Variants in ARHGAP24 observed in about 807,000 individuals in gnomAD.
The protein encoded by ARHGAP24 is Rho GTPase activating protein 24.
In ARHGAP24, 50 loss-of-function variants were observed where a neutral mutation model predicts 76.4. The observed-to-expected ratio is 0.65, with a 90% confidence interval of 0.52 to 0.83. The LOEUF is 0.83. Among genes scored for constraint, ARHGAP24 ranks in the 40% least tolerant of loss-of-function variants. The pLI, the probability that ARHGAP24 is intolerant of heterozygous loss-of-function variation, is 0.00. For synonymous variants in ARHGAP24, 345 were observed against 323.3 expected (o/e 1.07, Z -0.72); for missense variants, 930 against 914.2 (o/e 1.02, Z -0.22).
At chr4:85,962,999 T>G (rs969908131) in intron 5 of ARHGAP24, among the ~76,000 whole-genome samples, 3 of 151,910 alleles carry the variant, frequency 2.0e-5, no homozygotes, top group Non-Finnish European at 4.4e-5. Context: ...ACAAAATATA[T>G]ATGTATCTGT....
At chr4:85,714,016 T>G (rs1724632741) in intron 2 of ARHGAP24, among the ~76,000 whole-genome samples, 1 of 152,166 alleles carries the variant, frequency 6.6e-6, no homozygotes, top group African/African-American at 2.4e-5. Flanking sequence ...TAGAATCAAG[T>G]CTTCCTTTCC....
At chr4:85,793,770 TGCTCA>T (rs1728227469) in intron 3 of ARHGAP24, among the ~76,000 whole-genome samples, 1 of 152,352 alleles carries the variant, frequency 6.6e-6, no homozygotes, top group Non-Finnish European at 1.5e-5. Context: ...ACTTATCCAC[TGCTCA>T]TGGCACACCA....
At chr4:85,715,635 AC>A (rs1188458219) in intron 2 of ARHGAP24, among the ~76,000 whole-genome samples, 1 of 152,060 alleles carries the variant, frequency 6.6e-6, no homozygotes, top group African/African-American at 2.4e-5. Context: ...CACAAAATTT[AC>A]TGTTATCAGG....
chr4:85,839,838 G>GTTTTCT lies in ARHGAP24; in HGVS notation c.269-83805_269-83800dup, dbSNP rs1390182301. On this transcript the variant is annotated intron_variant, in intron 3 of 9. Coordinates refer to ENST00000395184, the MANE Select transcript of ARHGAP24 (RefSeq NM_001025616.3). ...AGAAACTACCAAGTGTCTTTTTTCT[G>GTTTTCT]TTTTCTTTTTTTTTTTTTTTTTTTT... is the stretch of plus-strand genomic sequence containing the variant. Among the ~76,000 whole-genome samples, 22 of 78,736 alleles carry GTTTTCT rather than the reference G, an allele frequency of 2.8e-4. 1 individual carries two copies. Among genetic ancestry groups the GTTTTCT allele is most frequent in the Non-Finnish European group, 3.5e-4 (13 of 37,088 alleles). 51.7% of individuals were successfully genotyped at this position (78,736 alleles called of 152,430 possible). A position where few individuals can be genotyped will look rare whatever the true frequency, so the allele number is the denominator to read the frequency against.
At position 85,664,305 on chromosome 4, in the gene ARHGAP24, G is replaced by T. The variant is rs554607300; in HGVS notation, c.181-57580G>T. On this transcript the variant is annotated intron_variant, in intron 2 of 9. Coordinates refer to ENST00000395184, the MANE Select transcript of ARHGAP24 (RefSeq NM_001025616.3). ...TTTTCTAGTTTATTTGCGTAGAGGT[G>T]TTTGTAGTATTCTCTGATGATAGTT... 2.9e-4 allele frequency among the ~76,000 whole-genome samples: 44 copies of T among 151,070 alleles called. 2 individuals carry two copies. Among genetic ancestry groups the T allele is most frequent in the African/African-American group, 1.0e-3 (42 of 40,348 alleles).
At chr4:85,956,413 C>T (rs193143989) in intron 5 of ARHGAP24, among the ~76,000 whole-genome samples, 1 of 152,200 alleles carries the variant, frequency 6.6e-6, no homozygotes, top group African/African-American at 2.4e-5. Context: ...CCTTGTTACC[C>T]GGGGGTTCTT....
At chr4:85,770,165 C>G (rs1037191628) in intron 3 of ARHGAP24, among the ~76,000 whole-genome samples, 3 of 152,186 alleles carry the variant, frequency 2.0e-5, no homozygotes, top group African/African-American at 7.2e-5. Flanking sequence ...GAAGGGCCTC[C>G]TCTATTCATT....
chr4:85,667,130 T>A (rs905365491), intron 2 of ARHGAP24, among the ~76,000 whole-genome samples: 6 of 152,196 alleles, frequency 3.9e-5, no homozygotes, highest in African/African-American at 1.4e-4. Flanking sequence ...GCAGGCCTCC[T>A]TGAGCTGTGG....
intron 3 of ARHGAP24, among the ~76,000 whole-genome samples, chr4:85,913,836 A>G (rs557628067): frequency 1.3e-5 from 2 of 152,270 alleles, no homozygotes; most frequent in East Asian, 3.9e-4. Context: ...ATATTAATAA[A>G]CAATAAAATG....
intron 5 of ARHGAP24, among the ~76,000 whole-genome samples, chr4:85,946,202 A>T (rs548693185): frequency 6.6e-6 from 1 of 152,322 alleles, no homozygotes; most frequent in African/African-American, 2.4e-5. Flanking sequence ...ACATGTGGGA[A>T]TTGTGGGAAT....
At chr4:85,678,347 G>A (rs1463322483) in intron 2 of ARHGAP24, among the ~76,000 whole-genome samples, 3 of 152,142 alleles carry the variant, frequency 2.0e-5, no homozygotes, top group South Asian at 2.1e-4. Flanking sequence ...TCCAGCCTGG[G>A]TGACAAAGCA....
At chr4:85,520,129 T>C (rs572939330) in intron 1 of ARHGAP24, among the ~76,000 whole-genome samples, 49 of 152,332 alleles carry the variant, frequency 3.2e-4, no homozygotes, top group Middle Eastern at 3.4e-3. Flanking sequence ...AAACCAGCTA[T>C]ACAAGACAAA....
chr4:85,803,936 TTTTTTCTTTTTC>T (rs1212232346), intron 3 of ARHGAP24, among the ~76,000 whole-genome samples: 2 of 151,534 alleles, frequency 1.3e-5, no homozygotes, highest in African/African-American at 2.4e-5. Flanking sequence ...AAATTCTTTT[TTTTTTCTTTTTC>T]TTTTTCTTTT....
At chr4:85,511,731 C>G (rs1403704990) in intron 1 of ARHGAP24, among the ~76,000 whole-genome samples, 3 of 152,196 alleles carry the variant, frequency 2.0e-5, no homozygotes, top group African/African-American at 7.2e-5. Context: ...TCCCAAAGTG[C>G]TGGGATTACA....
At chr4:85,722,393 AAAACAAAAAAC>A in intron 3 of ARHGAP24, 1 of 202,784 alleles carries the variant, frequency 4.9e-6, no homozygotes, top group East Asian at 1.2e-4. Flanking sequence ...AACAAAAAAA[AAAACAAAAAAC>A]AAACAAACAA....
At chr4:85,636,378 A>G (rs749090463) in intron 2 of ARHGAP24, among the ~76,000 whole-genome samples, 1 of 151,992 alleles carries the variant, frequency 6.6e-6, no homozygotes, top group Non-Finnish European at 1.5e-5. Flanking sequence ...CTAGTTGCAG[A>G]GTCCCCTGAC....
intron 3 of ARHGAP24, among the ~76,000 whole-genome samples, chr4:85,823,090 C>CTCTT (rs769749628): frequency 6.6e-6 from 1 of 152,066 alleles, no homozygotes; most frequent in Non-Finnish European, 1.5e-5. Context: ...CTATTTTCTG[C>CTCTT]TCTTTCTTTC....
chr4:85,937,948 T>G (rs554081721), intron 4 of ARHGAP24, among the ~76,000 whole-genome samples: 6 of 152,310 alleles, frequency 3.9e-5, no homozygotes, highest in Admixed American at 3.3e-4. Flanking sequence ...GATTCATCTT[T>G]GCTTATTTAT....
chr4:85,548,396 CTA>C (rs1351521066), intron 1 of ARHGAP24, among the ~76,000 whole-genome samples: 2 of 152,150 alleles, frequency 1.3e-5, no homozygotes, highest in Non-Finnish European at 2.9e-5. Context: ...ATTTTTATTT[CTA>C]TATCTATGTG....
Sources: gnomAD v4.1 joint callset for allele counts (sites outside exome capture counted in the v4.1 genomes callset) on GRCh38, gnomAD v4.1.1 for gene constraint, MANE v1.5 for transcripts, NCBI Gene and HGNC (gene_info 2026-07-23, HGNC 2026-07-21) for gene names.